Variants in ATP7B observed in about 807,000 individuals in gnomAD.
The protein encoded by ATP7B is copper-transporting ATPase 2.
ATP7B carries 113 observed loss-of-function variants against 118.9 expected under a neutral mutation model. That is an observed-to-expected ratio of 0.95 (90% CI 0.82 to 1.11). The LOEUF is 1.11. ATP7B is among the 50% of genes most tolerant of loss of function. ATP7B has a pLI of 0.00. For synonymous variants in ATP7B, 777 were observed against 727.4 expected, an observed-to-expected ratio of 1.07 and a Z score of -1.10; for missense variants, 1,867 against 1,871.4, an observed-to-expected ratio of 1.00 and a Z score of 0.04.
Position 51,939,224 on chromosome 13 carries a change from C to A in ATP7B, c.3557-31G>T, listed in dbSNP as rs74085875. 9.5e-4 allele frequency: 1,532 copies of A among 1,610,688 alleles called. 11 individuals carry two copies. In the African/African-American group the frequency reaches 0.018, roughly 19 times the overall value. ...GCGAACCAGCCAGCATCAGCAGCTA[C>A]ACAAGTTGGGGCACCCCGCACCAAG... On this transcript the variant is annotated intron_variant, in intron 16 of 20. Transcript: ENST00000242839.
intron 9 of ATP7B, among the ~76,000 whole-genome samples, chr13:51,957,111 T>G (rs868339209): frequency 2.0e-5 from 3 of 152,328 alleles, no homozygotes; most frequent in Non-Finnish European, 1.5e-5. Context: ...TCAGGCAACC[T>G]TAAGAAGAAG....
chr13:51,940,153 G>T (rs927867490), intron 16 of ATP7B, among the ~76,000 whole-genome samples: 26 of 150,252 alleles, frequency 1.7e-4, no homozygotes, highest in Non-Finnish European at 1.8e-4. Context: ...GCTGGGATTA[G>T]AGGCATGCGC....
At chr13:51,985,022 T>C (rs1952589003) in intron 1 of ATP7B, among the ~76,000 whole-genome samples, 1 of 152,134 alleles carries the variant, frequency 6.6e-6, no homozygotes, top group Non-Finnish European at 1.5e-5. Flanking sequence ...ATAGCCAAAA[T>C]AACCAGCTAG....
chr13:52,006,066 T>C (rs577763662), intron 1 of ATP7B, among the ~76,000 whole-genome samples: 3 of 152,342 alleles, frequency 2.0e-5, no homozygotes, highest in South Asian at 4.1e-4. Flanking sequence ...TGCAGATAAC[T>C]AGCCAGACCC....
At chr13:51,983,076 G>A (rs995322586) in intron 1 of ATP7B, among the ~76,000 whole-genome samples, 13 of 152,068 alleles carry the variant, frequency 8.5e-5, no homozygotes, top group Admixed American at 6.6e-5. Flanking sequence ...CCGTTCACTC[G>A]CCTGGAAAGG....
chr13:51,947,373 A>G (rs1957731653), intron 12 of ATP7B, among the ~76,000 whole-genome samples: 1 of 152,214 alleles, frequency 6.6e-6, no homozygotes, highest in Non-Finnish European at 1.5e-5. Context: ...TGTACCCAAA[A>G]CAAACAAAAT....
intron 5 of ATP7B, among the ~76,000 whole-genome samples, chr13:51,963,434 A>G (rs942255038): frequency 2.0e-5 from 3 of 151,956 alleles, no homozygotes; most frequent in African/African-American, 7.3e-5. Flanking sequence ...GATCATTTCC[A>G]TGTCAAAAAG....
intron 4 of ATP7B, 144 bp from the exon 5 acceptor site, chr13:51,965,177 C>G (rs1373333921): frequency 2.0e-6 from 2 of 988,346 alleles, no homozygotes; most frequent in Non-Finnish European, 1.5e-6. Flanking sequence ...CACCTCCAAA[C>G]CCCGCATGTG....
chr13:51,996,429 T>A (rs1044916782), intron 1 of ATP7B, among the ~76,000 whole-genome samples: 2 of 151,896 alleles, frequency 1.3e-5, no homozygotes, highest in East Asian at 1.9e-4. Flanking sequence ...AGAGACCACA[T>A]CCCCCATGGC....
intron 5 of ATP7B, among the ~76,000 whole-genome samples, chr13:51,962,959 G>A (rs1486983656): frequency 6.6e-6 from 1 of 152,016 alleles, no homozygotes; most frequent in East Asian, 1.9e-4. Context: ...AGGCGTGGTG[G>A]TGCATACCTG....
At chr13:51,965,242 A>C (rs1951487590) in intron 4 of ATP7B, among the ~76,000 whole-genome samples, 1 of 152,196 alleles carries the variant, frequency 6.6e-6, no homozygotes, top group Non-Finnish European at 1.5e-5. Context: ...CTCTTCCCCA[A>C]AACAGGTACA....
chr13:52,007,997 C>A (rs1351073413), intron 1 of ATP7B, among the ~76,000 whole-genome samples: 4 of 151,918 alleles, frequency 2.6e-5, no homozygotes, highest in East Asian at 1.9e-4. Context: ...CTCCAAAACC[C>A]ATCATTTAGG....
intron 1 of ATP7B, among the ~76,000 whole-genome samples, chr13:52,008,820 G>A (rs1037059801): frequency 2.6e-5 from 4 of 152,076 alleles, no homozygotes; most frequent in Non-Finnish European, 4.4e-5. Flanking sequence ...ACTTAAAACA[G>A]CATCTTCCTC....
At chr13:51,966,364 C>T (rs954867198) in intron 4 of ATP7B, among the ~76,000 whole-genome samples, 10 of 152,348 alleles carry the variant, frequency 6.6e-5, no homozygotes, top group Middle Eastern at 3.4e-3. Flanking sequence ...TGAGGTGAGT[C>T]TTCTCAGACC....
At position 51,974,107 on chromosome 13, in the gene ATP7B, T is replaced by C. The variant is rs187481935; in HGVS notation, c.1113A>G (p.Ala371=). 6.2e-7 allele frequency: 1 copy of C among 1,613,976 alleles called. No individual in the cohort carries two copies. Among genetic ancestry groups the C allele is most frequent in the East Asian group, 2.2e-5 (1 of 44,856 alleles). ...TGCCTTCAATGGAATGGACACAGGA[T>C]GCACAGGTCATGCCGGCAATGGCAA... ...TLIAIAGMTC[A]SCVHSIEGMI... is the part of the protein sequence containing the mutation. Residue 371 remains alanine, a synonymous_variant, in exon 2 of 21, where the codon GCA becomes GCG. Coordinates refer to ENST00000242839, the MANE Select transcript of ATP7B (RefSeq NM_000053.4).
intron 7 of ATP7B, chr13:51,959,941 T>C (rs1444947853): frequency 1.6e-6 from 1 of 615,820 alleles, no homozygotes. Flanking sequence ...AGGCCCTTAG[T>C]AGTCCCCCAC....
At chr13:51,942,074 G>A (rs773712576) in intron 15 of ATP7B, among the ~76,000 whole-genome samples, 2 of 152,174 alleles carry the variant, frequency 1.3e-5, no homozygotes, top group Non-Finnish European at 2.9e-5. Flanking sequence ...CAGGAAGAAC[G>A]AAAGTGGAAT....
At position 51,974,818 on chromosome 13, in the gene ATP7B, G is replaced by A. The variant is rs1952026047; in HGVS notation, c.402C>T (p.Pro134=). 2 of 1,614,056 alleles carry A rather than the reference G, an allele frequency of 1.2e-6. No individual in the cohort carries two copies. Among genetic ancestry groups the A allele is most frequent in the Non-Finnish European group, 1.7e-6 (2 of 1,180,040 alleles). ...CCTCCTGGGCAGGCAAGGACCTTGA[G>A]GGCCAGGAGGCTGCCTTTCCTTCTG... The part of the protein sequence containing the change: ...SIAEGKAASW[P]SRSLPAQEAV... Residue 134 remains proline, a synonymous_variant, in exon 2 of 21, where the codon CCC becomes CCT. Coordinates refer to ENST00000242839, the MANE Select transcript of ATP7B (RefSeq NM_000053.4).
chr13:51,946,360 A>G lies in ATP7B; in HGVS notation c.2984T>C (p.Val995Ala), dbSNP rs777791532. Residue 995 changes from valine to alanine, a missense_variant, in exon 13 of 21, where the codon GTC becomes GCC. Val to Ala is a moderately conservative substitution (Grantham distance 64). Coordinates refer to ENST00000242839, the MANE Select transcript of ATP7B (RefSeq NM_000053.4). ...CSLGLATPTA[V>A]MVGTGVAAQN... ...CGCGGCCACCCCGGTGCCCACCATGACAGCCGTGGGCGTGGCCAGCCCCAG... is the reference window on the plus strand; with the variant it reads ...CGCGGCCACCCCGGTGCCCACCATGGCAGCCGTGGGCGTGGCCAGCCCCAG... The G allele has an allele frequency of 1.4e-5, 22 of 1,613,018 alleles. No homozygotes were observed. In the South Asian group the frequency reaches 2.0e-4, roughly 15 times the overall value.
Sources: gnomAD v4.1 joint callset for allele counts (sites outside exome capture counted in the v4.1 genomes callset) on GRCh38, gnomAD v4.1.1 for gene constraint, MANE v1.5 for transcripts, NCBI Gene and HGNC (gene_info 2026-07-23, HGNC 2026-07-21) for gene names.